Variants in CHODL observed in about 807,000 individuals in gnomAD.
CHODL encodes transmembrane protein MT75.
Under a neutral mutation model 34.5 loss-of-function variants are expected in CHODL, and 29 were observed. That is an observed-to-expected ratio of 0.84 (90% CI 0.63 to 1.15). The LOEUF (loss-of-function observed/expected upper bound fraction) is 1.15, where lower values mean the gene tolerates loss of function less well. CHODL is among the 50% of genes most tolerant of loss of function. The pLI, the probability that CHODL is intolerant of heterozygous loss-of-function variation, is 0.00. For missense variants in CHODL, 332 were observed against 332.5 expected (o/e 1.00, Z 0.01); for synonymous variants, 125 against 116.1 (o/e 1.08, Z -0.49).
intron 2 of CHODL, among the ~76,000 whole-genome samples, chr21:18,162,415 C>T (rs957499701): frequency 7.0e-6 from 1 of 142,580 alleles, no homozygotes; most frequent in Admixed American, 7.1e-5. Flanking sequence ...GGTGTTTTCT[C>T]TCTCTCTCTC....
intron 2 of CHODL, among the ~76,000 whole-genome samples, chr21:18,105,932 T>C (rs972971503): frequency 6.6e-6 from 1 of 152,126 alleles, no homozygotes; most frequent in Non-Finnish European, 1.5e-5. Flanking sequence ...AACATTGCCC[T>C]TAAAACTGGC....
At chr21:18,160,932 A>G (rs2073088277) in intron 2 of CHODL, among the ~76,000 whole-genome samples, 1 of 152,180 alleles carries the variant, frequency 6.6e-6, no homozygotes, top group African/African-American at 2.4e-5. Context: ...TGACTGAACT[A>G]ATTTACATTC....
chr21:17,939,140 T>G (rs1023179689), intron 1 of CHODL, among the ~76,000 whole-genome samples: 2 of 152,216 alleles, frequency 1.3e-5, no homozygotes, highest in Admixed American at 6.5e-5. Context: ...TATAATACAT[T>G]ATTTTGACTA....
At chr21:18,105,637 A>G (rs1439828157) in intron 2 of CHODL, among the ~76,000 whole-genome samples, 1 of 152,182 alleles carries the variant, frequency 6.6e-6, no homozygotes, top group Non-Finnish European at 1.5e-5. Context: ...CCTCAAGCCA[A>G]CCCATATCAA....
At chr21:17,917,885 GTGTGTA>G (rs1221797381) in intron 1 of CHODL, among the ~76,000 whole-genome samples, 5 of 151,986 alleles carry the variant, frequency 3.3e-5, no homozygotes, top group East Asian at 2.0e-4. Context: ...GCGTGTGTGT[GTGTGTA>G]TGTGTGTGTG....
intron 1 of CHODL, among the ~76,000 whole-genome samples, chr21:17,935,531 G>T (rs1300930462): frequency 6.6e-6 from 1 of 152,206 alleles, no homozygotes; most frequent in African/African-American, 2.4e-5. Context: ...TCATGGCAGA[G>T]ACATTTGGGA....
intron 2 of CHODL, among the ~76,000 whole-genome samples, chr21:18,067,373 A>C (rs1347423618): frequency 6.6e-6 from 1 of 152,220 alleles, no homozygotes; most frequent in Non-Finnish European, 1.5e-5. Flanking sequence ...TGGTTTCCTC[A>C]AAAAACAAGT....
chr21:18,008,735 T>C (rs2063983624), intron 1 of CHODL, among the ~76,000 whole-genome samples: 1 of 152,216 alleles, frequency 6.6e-6, no homozygotes, highest in African/African-American at 2.4e-5. Flanking sequence ...AGTATTGTAA[T>C]TTCCCTTGTG....
chr21:18,043,614 G>A (rs2064403898), intron 2 of CHODL, among the ~76,000 whole-genome samples: 1 of 151,860 alleles, frequency 6.6e-6, no homozygotes, highest in Non-Finnish European at 1.5e-5. Flanking sequence ...ATGACATGAT[G>A]CTATGAGAAA....
intron 2 of CHODL, among the ~76,000 whole-genome samples, chr21:18,153,102 A>G (rs529058106): frequency 6.6e-6 from 1 of 152,324 alleles, no homozygotes; most frequent in Admixed American, 6.5e-5. Flanking sequence ...ACAAACTCCA[A>G]CAGCTTGAAA....
chr21:17,981,267 T>C (rs953307458), intron 1 of CHODL, among the ~76,000 whole-genome samples: 1 of 152,214 alleles, frequency 6.6e-6, no homozygotes, highest in African/African-American at 2.4e-5. Flanking sequence ...AGAGCTCAGC[T>C]CTATCTTTGT....
At chr21:18,265,272 TGTGTGTGTATATATATACACACACACAC>T (rs2074443309) in intron 5 of CHODL, among the ~76,000 whole-genome samples, 3 of 122,072 alleles carry the variant, frequency 2.5e-5, no homozygotes, top group African/African-American at 1.3e-4. Context: ...TATATATATA[TGTGTGTGTATATATATACACACACACAC>T]ACACACACAC....
At chr21:18,097,366 T>G (rs1386378510) in intron 2 of CHODL, among the ~76,000 whole-genome samples, 8 of 152,126 alleles carry the variant, frequency 5.3e-5, no homozygotes, top group African/African-American at 1.9e-4. Context: ...TAAAACAAAT[T>G]GAGTAAAGTT....
At chr21:18,085,192 T>C (rs1425127533) in intron 2 of CHODL, among the ~76,000 whole-genome samples, 1 of 152,140 alleles carries the variant, frequency 6.6e-6, no homozygotes, top group Non-Finnish European at 1.5e-5. Context: ...GTAAGGTAAA[T>C]TTCTTGTAGG....
intron 1 of CHODL, among the ~76,000 whole-genome samples, chr21:17,978,065 A>T (rs197578): frequency 3.3e-5 from 5 of 152,022 alleles, no homozygotes; most frequent in African/African-American, 9.7e-5. Flanking sequence ...GTTATCCCAC[A>T]GTTCTGTAGG....
chr21:17,991,523 T>C (rs905834114), intron 1 of CHODL, among the ~76,000 whole-genome samples: 2 of 152,150 alleles, frequency 1.3e-5, no homozygotes, highest in African/African-American at 4.8e-5. Context: ...TGGTATTTCA[T>C]TGTGGCTTTT....
In CHODL at chr21:18,006,118, C is replaced by T. The variant is rs575588780; in HGVS notation, c.-144-21754C>T. Among the ~76,000 whole-genome samples, 213 of 152,258 alleles carry T rather than the reference C, an allele frequency of 1.4e-3. 1 individual carries two copies. Among genetic ancestry groups the T allele is most frequent in the Non-Finnish European group, 2.5e-3 (172 of 68,010 alleles). ...CCATCCACGCAAGATGTGACTTGCTCCTCCTTGCCTTCCACCGTGATTGCT... is the reference window on the plus strand; with the variant it reads ...CCATCCACGCAAGATGTGACTTGCTTCTCCTTGCCTTCCACCGTGATTGCT... On this transcript the variant is annotated intron_variant, in intron 1 of 6. Coordinates refer to the CHODL transcript ENST00000400127.
At chr21:18,175,495 A>G (rs2073295480) in intron 2 of CHODL, among the ~76,000 whole-genome samples, 1 of 151,936 alleles carries the variant, frequency 6.6e-6, no homozygotes, top group Non-Finnish European at 1.5e-5. Flanking sequence ...CGGGAGGCTG[A>G]GGCAGGAGAA....
chr21:18,204,543 G>A (rs1197810533), intron 2 of CHODL, among the ~76,000 whole-genome samples: 4 of 151,988 alleles, frequency 2.6e-5, no homozygotes, highest in African/African-American at 4.8e-5. Flanking sequence ...GCAGTTATCC[G>A]GGAAATAGGT....
Sources: allele counts gnomAD v4.1 joint callset (sites outside exome capture counted in the v4.1 genomes callset), GRCh38; gene constraint gnomAD v4.1.1; transcripts MANE v1.5; gene names NCBI Gene and HGNC (gene_info 2026-07-23, HGNC 2026-07-21).